TBC1D12: variants seen among roughly 807,000 people sequenced by gnomAD.
TBC1D12 encodes the protein TBC1 domain family member 12.
A neutral mutation model predicts 86.7 loss-of-function variants in TBC1D12; 56 were observed. That is an observed-to-expected ratio of 0.65 (90% CI 0.52 to 0.81). TBC1D12 has a LOEUF of 0.81. TBC1D12 is among the 30% of genes least tolerant of loss of function. The pLI is 0.00. For missense variants in TBC1D12, 1,023 were observed against 1,038.8 expected (o/e 0.98, Z 0.21); for synonymous variants, 421 against 411.7 (o/e 1.02, Z -0.27).
intron 2 of TBC1D12, among the ~76,000 whole-genome samples, chr10:94,453,391 G>A (rs1431607588): frequency 6.6e-6 from 1 of 152,044 alleles, no homozygotes; most frequent in Admixed American, 6.6e-5. Flanking sequence ...GTGCATGTAT[G>A]TCTGTGTGTG....
At chr10:94,520,379 C>A (rs574112243) in intron 9 of TBC1D12, among the ~76,000 whole-genome samples, 1 of 151,980 alleles carries the variant, frequency 6.6e-6, no homozygotes, top group African/African-American at 2.4e-5. Context: ...ATGGAGAAAC[C>A]CCGTCTCTAC....
intron 1 of TBC1D12, among the ~76,000 whole-genome samples, chr10:94,405,171 T>C (rs929358250): frequency 6.6e-6 from 1 of 152,278 alleles, no homozygotes; most frequent in African/African-American, 2.4e-5. Context: ...TGTAAAACTT[T>C]CCTTTACAGA....
chr10:94,411,337 A>G (rs1482838909), intron 1 of TBC1D12, among the ~76,000 whole-genome samples: 1 of 152,194 alleles, frequency 6.6e-6, no homozygotes, highest in Non-Finnish European at 1.5e-5. Flanking sequence ...TTAAGCCTTT[A>G]ACTTCCAGAC....
At chr10:94,488,477 G>C (rs561745692) in intron 3 of TBC1D12, among the ~76,000 whole-genome samples, 1 of 127,640 alleles carries the variant, frequency 7.8e-6, no homozygotes, top group African/African-American at 3.0e-5. Context: ...TGCAACCTCC[G>C]CCTCCTGGGT....
In TBC1D12 at chr10:94,403,182, A is replaced by G. The variant is rs1390111447; in HGVS notation, c.569A>G (p.Asp190Gly). Residue 190 changes from aspartate (D) to glycine (G), a missense_variant, in exon 1 of 13, where the codon GAT becomes GGT. Asp to Gly is a moderately conservative substitution (Grantham distance 94, BLOSUM62 -1). This residue lies in a region of TBC1D12 where 628 missense variants were observed against 531.1 expected (regional missense o/e 1.18). Transcript: ENST00000225235. ...EDADGAGSPSDWASPLEDPLR... is the reference protein window; with the variant it reads ...EDADGAGSPSGWASPLEDPLR... ...GCGGACGGCGCGGGAAGCCCGTCCG[A>G]TTGGGCCTCTCCGCTTGAGGACCCG... The G allele has an allele frequency of 3.4e-6, 5 of 1,489,218 alleles. No individual in the cohort carries two copies. The highest frequency in any genetic ancestry group is 4.8e-5 in the Admixed American group (2 of 42,078). The allele number at this position is 1,489,218 out of a possible 1,614,324, so 92.3% of individuals were successfully genotyped here.
intron 11 of TBC1D12, among the ~76,000 whole-genome samples, chr10:94,529,615 T>C (rs975135719): frequency 6.6e-6 from 1 of 151,824 alleles, no homozygotes; most frequent in Admixed American, 6.6e-5. Context: ...CAAAACTCCA[T>C]TAAAAAAAAA....
chr10:94,504,649 A>G (rs2056438702), intron 6 of TBC1D12, among the ~76,000 whole-genome samples: 1 of 152,188 alleles, frequency 6.6e-6, no homozygotes, highest in South Asian at 2.1e-4. Context: ...TGGTTCCACC[A>G]TAATATATTA....
Position 94,488,386 on chromosome 10 carries a change from C to CTTTTTT in TBC1D12, c.1212-4962_1212-4957dup, listed in dbSNP as rs770258959. Among the ~76,000 whole-genome samples, 25 of 74,810 alleles carry CTTTTTT rather than the reference C, an allele frequency of 3.3e-4. 1 individual carries two copies. The highest frequency in any genetic ancestry group is 8.7e-4 in the African/African-American group (16 of 18,328). The allele number at this position is 74,810 out of a possible 152,430, so 49.1% of individuals were successfully genotyped here. ...GTTTGTTATTCAGGGCCCAAGGGGT[C>CTTTTTT]TTTTTTTTTTTTTTTTTTTTTTGAG... On this transcript the variant is annotated intron_variant, in intron 3 of 12. Transcript: ENST00000225235.
chr10:94,467,571 T>C (rs1216554448), intron 2 of TBC1D12, among the ~76,000 whole-genome samples: 1 of 152,202 alleles, frequency 6.6e-6, no homozygotes, highest in Non-Finnish European at 1.5e-5. Context: ...TTAAGATGTT[T>C]ACTCATATAT....
intron 11 of TBC1D12, 27 bp from the exon 12 acceptor site, chr10:94,531,175 A>C: frequency 6.3e-7 from 1 of 1,591,906 alleles, no homozygotes; most frequent in Non-Finnish European, 8.6e-7. Flanking sequence ...GAAAAATTTC[A>C]GTGACCATTT....
At chr10:94,468,712 G>T (rs2055859388) in intron 2 of TBC1D12, among the ~76,000 whole-genome samples, 1 of 152,086 alleles carries the variant, frequency 6.6e-6, no homozygotes. Flanking sequence ...TCTTGGGTCT[G>T]TGGGTGTAGT....
At chr10:94,434,533 C>A (rs545330411) in intron 1 of TBC1D12, among the ~76,000 whole-genome samples, 1 of 151,160 alleles carries the variant, frequency 6.6e-6, no homozygotes, top group African/African-American at 2.4e-5. Context: ...AAAAGAAAAT[C>A]TTTTAACCAT....
intron 9 of TBC1D12, among the ~76,000 whole-genome samples, chr10:94,520,551 CAAAAAAAT>C (rs1380936549): frequency 2.4e-5 from 3 of 125,144 alleles, no homozygotes; most frequent in South Asian, 3.2e-4. Context: ...AACTCCATCT[CAAAAAAAT>C]AAAAAAATAA....
intron 3 of TBC1D12, among the ~76,000 whole-genome samples, chr10:94,483,238 T>A (rs2056105482): frequency 6.6e-6 from 1 of 152,280 alleles, no homozygotes; most frequent in South Asian, 2.1e-4. Context: ...TGCAGATATT[T>A]CTTTGATGTT....
intron 9 of TBC1D12, among the ~76,000 whole-genome samples, chr10:94,517,973 C>T (rs900429447): frequency 2.0e-5 from 3 of 151,854 alleles, no homozygotes; most frequent in Non-Finnish European, 2.9e-5. Context: ...GCCAACGTGG[C>T]GAAATCCCGT....
chr10:94,472,348 A>G (rs530618106), intron 2 of TBC1D12, among the ~76,000 whole-genome samples: 4 of 152,338 alleles, frequency 2.6e-5, no homozygotes, highest in African/African-American at 9.6e-5. Context: ...CCTGCTGGTA[A>G]TGACCTTCAG....
At chr10:94,479,319 G>T (rs181732350) in intron 3 of TBC1D12, among the ~76,000 whole-genome samples, 2 of 152,040 alleles carry the variant, frequency 1.3e-5, no homozygotes, top group East Asian at 3.9e-4. Context: ...TTTTCCTGTG[G>T]TCTTATCTTC....
At chr10:94,405,046 C>CAA (rs59300913) in intron 1 of TBC1D12, among the ~76,000 whole-genome samples, 49 of 112,336 alleles carry the variant, frequency 4.4e-4, no homozygotes, top group African/African-American at 1.5e-3. Flanking sequence ...AGACTTCTCT[C>CAA]AAAAAAAAAA....
chr10:94,465,670 ATGTGTG>A (rs34828664), intron 2 of TBC1D12, among the ~76,000 whole-genome samples: 14,030 of 137,874 alleles, frequency 0.1, 905 homozygotes, highest in Middle Eastern at 0.15. Flanking sequence ...ATATATATAT[ATGTGTG>A]TGTGTGTGTG....
Sources: gnomAD v4.1 joint callset for allele counts (sites outside exome capture counted in the v4.1 genomes callset) on GRCh38, gnomAD v4.1.1 for gene constraint, gnomAD v4.1.1 regional missense constraint, MANE v1.5 for transcripts, NCBI Gene and HGNC (gene_info 2026-07-23, HGNC 2026-07-21) for gene names.